MAPKAPK2: variants seen among roughly 807,000 people sequenced by gnomAD.
MAPKAPK2 encodes the protein MAP kinase-activated protein kinase 2.
A neutral mutation model predicts 48.8 loss-of-function variants in MAPKAPK2; 9 were observed. The observed-to-expected ratio is 0.18, with a 90% confidence interval of 0.11 to 0.32. MAPKAPK2 has a LOEUF of 0.32. Ranked by LOEUF, MAPKAPK2 falls within the 10% of genes least tolerant of loss-of-function variation. The probability of loss-of-function intolerance (pLI) is 1.00; values close to 1 mark genes in which losing one functional copy is unlikely to be tolerated. For missense variants in MAPKAPK2, 331 were observed against 498.3 expected, an observed-to-expected ratio of 0.66 and a Z score of 3.20; for synonymous variants, 202 against 190.6, an observed-to-expected ratio of 1.06 and a Z score of -0.49.
rs150764573 is a variant in MAPKAPK2, at chr1:206,685,373, C to T, written c.144C>T (p.Val48=). 5 of 1,515,416 alleles carry T rather than the reference C, an allele frequency of 3.3e-6. No individual in the cohort carries two copies. Among genetic ancestry groups the T allele is most frequent in the Non-Finnish European group, 4.4e-6 (5 of 1,124,078 alleles). 93.9% of individuals were successfully genotyped at this position (1,515,416 alleles called of 1,614,324 possible). The change falls in exon 1 of 10, where the codon GTC becomes GTT. Residue 48 remains valine, a synonymous_variant. Transcript: ENST00000367103. The part of the protein sequence containing the change: ...PPPQQFPQFH[V]KSGLQIKKNA... ...CGCAGCAGTTCCCGCAGTTCCACGT[C>T]AAGTCCGGCCTGCAGATCAAGAAGA... is the stretch of plus-strand genomic sequence containing the variant.
chr1:206,694,672 TCCTGCGGGGAGAGC>T (rs781935936), intron 1 of MAPKAPK2, among the ~76,000 whole-genome samples: 1 of 152,110 alleles, frequency 6.6e-6, no homozygotes, highest in Non-Finnish European at 1.5e-5. Context: ...GCTCAAAGGG[TCCTGCGGGGAGAGC>T]CCTGGACACT....
intron 4 of MAPKAPK2, 41 bp from the exon 5 acceptor site, chr1:206,729,931 G>C (rs1553432383): frequency 1.2e-6 from 2 of 1,613,494 alleles, no homozygotes; most frequent in African/African-American, 2.7e-5. Flanking sequence ...GCCCCTCCCA[G>C]GTCCAGCAGG....
intron 1 of MAPKAPK2, among the ~76,000 whole-genome samples, chr1:206,714,457 T>G (rs1673257975): frequency 6.6e-6 from 1 of 152,006 alleles, no homozygotes; most frequent in Non-Finnish European, 1.5e-5. Flanking sequence ...TTTGTCCCCT[T>G]CCCTTTAAAC....
At chr1:206,699,110 G>A (rs967464863) in intron 1 of MAPKAPK2, among the ~76,000 whole-genome samples, 68 of 152,328 alleles carry the variant, frequency 4.5e-4, no homozygotes, top group African/African-American at 1.6e-3. Flanking sequence ...TTAGAGGAAC[G>A]AACACCCGTG....
Position 206,685,328 on chromosome 1 carries a change from G to T in MAPKAPK2, c.99G>T (p.Ala33=). Reference sequence around the variant, plus strand: ...CCCCTGCCCTGCCGCACCCCCCGGCGCAGCCGCCGCCGCCGCCCCCGCAGC... The same window carrying T: ...CCCCTGCCCTGCCGCACCCCCCGGCTCAGCCGCCGCCGCCGCCCCCGCAGC... ...PPTPALPHPP[A]QPPPPPPQQF... is the part of the protein sequence containing the mutation. Residue 33 remains alanine (A), a synonymous_variant, in exon 1 of 10, where the codon GCG becomes GCT. Coordinates refer to ENST00000367103, the MANE Select transcript of MAPKAPK2 (RefSeq NM_032960.4). 1 of 1,233,980 alleles carries T rather than the reference G, an allele frequency of 8.1e-7. No individual in the cohort carries two copies. The highest frequency in any genetic ancestry group is 1.1e-6 in the Non-Finnish European group (1 of 937,500). 76.4% of individuals were successfully genotyped at this position (1,233,980 alleles called of 1,614,324 possible).
chr1:206,728,610 G>A (rs1350445963), intron 1 of MAPKAPK2, 100 bp from the exon 2 acceptor site: 6 of 1,401,358 alleles, frequency 4.3e-6, no homozygotes, highest in Non-Finnish European at 4.9e-6. Flanking sequence ...GGAGTGGGGG[G>A]TTTGTGGTAT....
Position 206,725,547 on chromosome 1 carries a change from G to C in MAPKAPK2, c.280-3163G>C, listed in dbSNP as rs541636079. Among the ~76,000 whole-genome samples, 3 of 152,270 alleles carry C rather than the reference G, an allele frequency of 2.0e-5. No homozygotes were observed. The South Asian group carries it at 6.2e-4, about 32-fold the overall frequency. ...TTAGATGCTCATAATGTTTCTATGAGGGGGAGGCTAGGCAGGTATCATCGC... is the reference window on the plus strand; with the variant it reads ...TTAGATGCTCATAATGTTTCTATGACGGGGAGGCTAGGCAGGTATCATCGC... On this transcript the variant is annotated intron_variant, in intron 1 of 9. Transcript: ENST00000367103.
At chr1:206,721,845 C>A (rs1246715193) in intron 1 of MAPKAPK2, among the ~76,000 whole-genome samples, 3 of 152,152 alleles carry the variant, frequency 2.0e-5, no homozygotes, top group African/African-American at 7.2e-5. Flanking sequence ...TTGGGCAGAT[C>A]ACCTGAGATT....
Position 206,731,112 on chromosome 1 carries a change from C to T in MAPKAPK2, c.768-26C>T. On this transcript the variant is annotated intron_variant, in intron 6 of 9. Transcript: ENST00000367103. The surrounding 1 kb of genome is among the most constrained non-coding windows in gnomAD (Gnocchi z 5.9). ...CACTAAGTGACAGCTGTTCTGTCTC[C>T]CACTTCCTTCCTCCTGTTGATGCAG... The T allele has an allele frequency of 3.1e-6, 5 of 1,614,148 alleles. No homozygotes were observed. Among genetic ancestry groups the T allele is most frequent in the Non-Finnish European group, 4.2e-6 (5 of 1,179,996 alleles).
chr1:206,691,298 T>C (rs545922261), intron 1 of MAPKAPK2, among the ~76,000 whole-genome samples: 1 of 151,980 alleles, frequency 6.6e-6, no homozygotes, highest in South Asian at 2.1e-4. Context: ...GGAGCAAAAC[T>C]GAGCTCCACT....
At chr1:206,717,694 A>T (rs1558583317) in intron 1 of MAPKAPK2, among the ~76,000 whole-genome samples, 1 of 152,232 alleles carries the variant, frequency 6.6e-6, no homozygotes, top group Non-Finnish European at 1.5e-5. Flanking sequence ...TGCCTCTAGC[A>T]GGAAGGTTGG....
intron 1 of MAPKAPK2, among the ~76,000 whole-genome samples, chr1:206,712,962 TCACACACACACA>T (rs58379967): frequency 1.6e-3 from 182 of 112,304 alleles, no homozygotes; most frequent in African/African-American, 6.0e-3. Flanking sequence ...TGAGACTCCA[TCACACACACACA>T]CACACACACA....
At chr1:206,724,304 C>T (rs1263182578) in intron 1 of MAPKAPK2, among the ~76,000 whole-genome samples, 2 of 152,184 alleles carry the variant, frequency 1.3e-5, no homozygotes, top group Admixed American at 1.3e-4. Flanking sequence ...GAGTGCAGGC[C>T]ACCTCCCCTG....
At chr1:206,709,144 T>C (rs555697078) in intron 1 of MAPKAPK2, among the ~76,000 whole-genome samples, 27 of 152,300 alleles carry the variant, frequency 1.8e-4, no homozygotes, top group Non-Finnish European at 3.7e-4. Flanking sequence ...GGCTGTTACT[T>C]ATTGTTCCTA....
At chr1:206,706,421 C>T (rs992761236) in intron 1 of MAPKAPK2, among the ~76,000 whole-genome samples, 1 of 152,096 alleles carries the variant, frequency 6.6e-6, no homozygotes, top group Non-Finnish European at 1.5e-5. Context: ...CCCTGCAGGA[C>T]GTCTGGGTGG....
intron 1 of MAPKAPK2, among the ~76,000 whole-genome samples, chr1:206,694,384 G>T (rs1672552360): frequency 6.6e-6 from 1 of 152,196 alleles, no homozygotes; most frequent in South Asian, 2.1e-4. Flanking sequence ...CATTTCCTCT[G>T]CAAGGAAAGA....
At chr1:206,706,749 C>A (rs1672971976) in intron 1 of MAPKAPK2, among the ~76,000 whole-genome samples, 1 of 152,196 alleles carries the variant, frequency 6.6e-6, no homozygotes, top group Non-Finnish European at 1.5e-5. Flanking sequence ...GAAATTTTTT[C>A]TTGCCCGTGG....
chr1:206,709,044 G>T (rs1673054423), intron 1 of MAPKAPK2, among the ~76,000 whole-genome samples: 1 of 152,344 alleles, frequency 6.6e-6, no homozygotes, highest in Middle Eastern at 3.4e-3. Flanking sequence ...TAAAGCTCCT[G>T]TTAACATTCT....
At chr1:206,709,373 G>A (rs1673067746) in intron 1 of MAPKAPK2, among the ~76,000 whole-genome samples, 1 of 152,122 alleles carries the variant, frequency 6.6e-6, no homozygotes, top group Non-Finnish European at 1.5e-5. Context: ...GTGTTGCCCA[G>A]AACTGAGTTC....
Sources: gnomAD v4.1 joint callset for allele counts (sites outside exome capture counted in the v4.1 genomes callset) on GRCh38, gnomAD v4.1.1 for gene constraint, Gnocchi (gnomAD v3.1) non-coding constraint, MANE v1.5 for transcripts, NCBI Gene and HGNC (gene_info 2026-07-23, HGNC 2026-07-21) for gene names.